Variants in PREX1 observed in about 807,000 individuals in gnomAD.
PREX1 encodes the protein phosphatidylinositol-3,4,5-trisphosphate dependent Rac exchange factor 1.
A neutral mutation model predicts 198.3 loss-of-function variants in PREX1; 41 were observed. The ratio of observed to expected loss-of-function variants is 0.21; its 90% CI spans 0.16 to 0.27. The LOEUF (loss-of-function observed/expected upper bound fraction) is 0.27. PREX1 is among the 10% of genes least tolerant of loss of function. The pLI, the probability that PREX1 is intolerant of heterozygous loss-of-function variation, is 1.00. For synonymous variants in PREX1, 843 were observed against 887.2 expected (o/e 0.95, Z 0.89); for missense variants, 1,620 against 2,200.7 (o/e 0.74, Z 5.28).
At chr20:48,862,506 T>G in the PREX1 span, among the ~76,000 whole-genome samples, 329 of 152,204 alleles carry the variant, frequency 2.2e-3, 1 homozygote, top group African/African-American at 7.7e-3. Context: ...ACCTGCACAT[T>G]GGTGGTGAGA....
At chr20:48,637,251 C>T (rs757572992) in intron 31 of PREX1, among the ~76,000 whole-genome samples, 24 of 152,262 alleles carry the variant, frequency 1.6e-4, no homozygotes, top group Non-Finnish European at 2.9e-4. Context: ...CAATGGCCGG[C>T]TTCTGGCCAG....
intron 29 of PREX1, among the ~76,000 whole-genome samples, chr20:48,641,169 C>A (rs578152231): frequency 2.0e-5 from 3 of 152,226 alleles, no homozygotes; most frequent in African/African-American, 7.2e-5. Context: ...AATTCCTTTT[C>A]TCTCAATCAT....
At chr20:48,645,549 C>T (rs114791349) in intron 26 of PREX1, among the ~76,000 whole-genome samples, 573 of 152,334 alleles carry the variant, frequency 3.8e-3, no homozygotes, top group African/African-American at 0.013. Flanking sequence ...AAACACACCA[C>T]AGAATCTTGC....
At chr20:48,848,469 C>A in the PREX1 span, among the ~76,000 whole-genome samples, 81 of 152,160 alleles carry the variant, frequency 5.3e-4, no homozygotes, top group Middle Eastern at 3.4e-3. Flanking sequence ...GTTGCCCAGA[C>A]TGGTCTTGAA....
At chr20:48,639,653 T>G (rs2089392956) in intron 30 of PREX1, 113 bp downstream of exon 30, 2 of 1,478,454 alleles carry the variant, frequency 1.4e-6, no homozygotes, top group East Asian at 4.6e-5. Flanking sequence ...GTCCTCTCCC[T>G]GGTCATGGAG....
intron 18 of PREX1, chr20:48,656,600 C>A: frequency 2.2e-6 from 1 of 454,252 alleles, no homozygotes; most frequent in East Asian, 6.9e-5. Flanking sequence ...CCCCTTGACT[C>A]CCCCCTCATC....
intron 5 of PREX1, among the ~76,000 whole-genome samples, chr20:48,708,681 G>C (rs2089914988): frequency 1.3e-5 from 2 of 152,148 alleles, no homozygotes; most frequent in South Asian, 4.1e-4. Context: ...GCCTCTCTCT[G>C]GAGGTGATGT....
chr20:48,842,221 C>A, the PREX1 span, among the ~76,000 whole-genome samples: 1 of 152,094 alleles, frequency 6.6e-6, no homozygotes, highest in Non-Finnish European at 1.5e-5. Flanking sequence ...GAATGTGGCA[C>A]ATAGAGTGAT....
At chr20:48,650,758 G>A in intron 23 of PREX1, 136 bp downstream of exon 23, 1 of 1,164,170 alleles carries the variant, frequency 8.6e-7, no homozygotes, top group Non-Finnish European at 1.2e-6. Context: ...GTCCTTTTCA[G>A]TAATACACAC....
At chr20:48,669,685 G>A (rs968297610) in intron 14 of PREX1, among the ~76,000 whole-genome samples, 2 of 152,194 alleles carry the variant, frequency 1.3e-5, no homozygotes, top group Non-Finnish European at 2.9e-5. Flanking sequence ...GGTGGGGAGA[G>A]TGTCTCCATC....
In PREX1 at chr20:48,649,373, C is replaced by G; in HGVS notation, c.3232G>C (p.Ala1078Pro). ...LKQEDREIQD[A>P]YLQLFTKLDV... ...AGCTTGGTGAAGAGCTGCAGGTAGG[C>G]ATCCTGGATCTCACGGTCCTCCTGC... Residue 1078 changes from alanine (A) to proline (P), a missense_variant, in exon 25 of 40, where the codon GCC becomes CCC. Ala to Pro is a conservative substitution (Grantham distance 27, BLOSUM62 -1). Around this residue, in one of 7 missense-constraint regions of PREX1, gnomAD observed 514 missense variants for 611.6 expected, o/e 0.84. Coordinates refer to ENST00000371941, the MANE Select transcript of PREX1 (RefSeq NM_020820.4). The G allele has an allele frequency of 6.2e-7, 1 of 1,614,188 alleles. No individual in the cohort carries two copies. The highest frequency in any genetic ancestry group is 8.5e-7 in the Non-Finnish European group (1 of 1,180,030).
intron 1 of PREX1, among the ~76,000 whole-genome samples, chr20:48,777,008 C>T (rs1456631570): frequency 6.6e-6 from 1 of 152,126 alleles, no homozygotes. Context: ...GGGTTTCTCC[C>T]GCCCCTTGGT....
At position 48,688,812 on chromosome 20, in the gene PREX1, G is replaced by A. The variant is rs922673571; in HGVS notation, c.1187-8C>T. The A allele has an allele frequency of 1.2e-6, 2 of 1,613,922 alleles. No homozygotes were observed. The highest frequency in any genetic ancestry group is 2.7e-5 in the African/African-American group (2 of 74,916). On this transcript the variant is annotated splice_region_variant and splice_polypyrimidine_tract_variant and intron_variant, in intron 9 of 39. Coordinates refer to ENST00000371941, the MANE Select transcript of PREX1 (RefSeq NM_020820.4). The stretch of plus-strand genomic sequence containing the variant: ...CCATGCCCAGCTTCAGGCCTACACA[G>A]GGGCACGGTCAGCACTGGAGAGAGC...
chr20:48,800,504 G>A (rs1365563857), intron 1 of PREX1, among the ~76,000 whole-genome samples: 2 of 152,218 alleles, frequency 1.3e-5, no homozygotes, highest in Admixed American at 6.5e-5. Flanking sequence ...ATGTGTGCCC[G>A]GCATCATGCA....
chr20:48,845,595 T>C, the PREX1 span, among the ~76,000 whole-genome samples: 1 of 150,390 alleles, frequency 6.6e-6, no homozygotes, highest in Non-Finnish European at 1.5e-5. Context: ...CCAGCTACTC[T>C]GGAGGCTGAG....
chr20:48,844,819 T>C, the PREX1 span, among the ~76,000 whole-genome samples: 1 of 152,324 alleles, frequency 6.6e-6, no homozygotes, highest in Admixed American at 6.5e-5. Context: ...CAGTCTTCAT[T>C]TACTTATAGC....
intron 5 of PREX1, among the ~76,000 whole-genome samples, chr20:48,720,277 C>T (rs2089979401): frequency 6.6e-6 from 1 of 152,198 alleles, no homozygotes; most frequent in African/African-American, 2.4e-5. Flanking sequence ...TTTTCCACAG[C>T]ATCCAAATAT....
upstream of PREX1, among the ~76,000 whole-genome samples, chr20:48,828,920 G>A (rs116427085): frequency 4.5e-3 from 686 of 152,324 alleles, 6 homozygotes; most frequent in African/African-American, 0.016. Context: ...TATGGAGAGG[G>A]GAGGAAGTTC....
At chr20:48,642,593 A>C (rs912196913) in intron 27 of PREX1, 104 bp from the exon 28 acceptor site, 3 of 1,018,074 alleles carry the variant, frequency 2.9e-6, no homozygotes, top group Non-Finnish European at 4.3e-6. Context: ...CTCCAAACCC[A>C]CAAGGGATGT....
Sources: gnomAD v4.1 joint callset for allele counts (sites outside exome capture counted in the v4.1 genomes callset) on GRCh38, gnomAD v4.1.1 for gene constraint, gnomAD v4.1.1 regional missense constraint, MANE v1.5 for transcripts, NCBI Gene and HGNC (gene_info 2026-07-23, HGNC 2026-07-21) for gene names.